MED12L: variants seen among roughly 807,000 people sequenced by gnomAD.
MED12L encodes mediator complex subunit 12L.
A neutral mutation model predicts 281.3 loss-of-function variants in MED12L; 60 were observed. The ratio of observed to expected loss-of-function variants is 0.21; its 90% CI spans 0.17 to 0.26. MED12L has a LOEUF of 0.26. Ranked by LOEUF, MED12L falls within the 10% of genes least tolerant of loss-of-function variation. The probability of loss-of-function intolerance (pLI) is 1.00; values close to 1 mark genes in which losing one functional copy is unlikely to be tolerated. For missense variants in MED12L, 2,146 were observed against 2,680.9 expected (o/e 0.80, Z 4.41); for synonymous variants, 974 against 987.2 (o/e 0.99, Z 0.25).
intron 16 of MED12L, among the ~76,000 whole-genome samples, chr3:151,335,152 T>C (rs1577357665): frequency 6.6e-6 from 1 of 152,190 alleles, no homozygotes; most frequent in Non-Finnish European, 1.5e-5. Context: ...CTCTTTGAGT[T>C]ACTTTGAAAT....
intron 12 of MED12L, 143 bp downstream of exon 12, chr3:151,185,604 A>C: frequency 2.5e-6 from 2 of 815,768 alleles, no homozygotes; most frequent in Non-Finnish European, 3.7e-6. Context: ...CATAAGGAAG[A>C]TTCTTATAGT....
At chr3:151,278,095 C>T (rs370815418) in intron 16 of MED12L, among the ~76,000 whole-genome samples, 1 of 152,146 alleles carries the variant, frequency 6.6e-6, no homozygotes, top group Non-Finnish European at 1.5e-5. Context: ...ATTGGATCCC[C>T]ATATTAGCAT....
chr3:151,235,110 A>T (rs548756010), intron 16 of MED12L, among the ~76,000 whole-genome samples: 5 of 152,366 alleles, frequency 3.3e-5, no homozygotes, highest in African/African-American at 9.6e-5. Context: ...GATGTAGATT[A>T]TTAAGCTACT....
intron 16 of MED12L, among the ~76,000 whole-genome samples, chr3:151,241,367 G>A (rs1000602410): frequency 6.6e-6 from 1 of 152,152 alleles, no homozygotes; most frequent in Non-Finnish European, 1.5e-5. Context: ...AGATTTTATT[G>A]TAGTTTTCAA....
rs62282979 is a variant in MED12L at position 151,240,914 on chromosome 3, T to A, written c.2250+47248T>A. Among the ~76,000 whole-genome samples the A allele has an allele frequency of 6.0e-3, 915 of 152,356 alleles. 29 individuals are homozygous for A. In the East Asian group the frequency reaches 0.09, roughly 15 times the overall value. ...CTTGGTCTTGATTAGCTGTGTCATC[T>A]TGCCTGAATCACTGAACCTCTCTAG... On this transcript the variant is annotated intron_variant, in intron 16 of 44. Coordinates refer to ENST00000687756, the MANE Select transcript of MED12L (RefSeq NM_001393769.1).
At chr3:151,237,110 C>T (rs541256048) in intron 16 of MED12L, among the ~76,000 whole-genome samples, 3 of 146,142 alleles carry the variant, frequency 2.1e-5, no homozygotes, top group South Asian at 2.2e-4. Flanking sequence ...GTACCAGTCT[C>T]GGCTAACTGC....
intron 16 of MED12L, among the ~76,000 whole-genome samples, chr3:151,323,464 A>G (rs796211262): frequency 2.0e-5 from 3 of 152,064 alleles, no homozygotes; most frequent in African/African-American, 4.8e-5. Context: ...TGTATTCCCT[A>G]TGTCATGTGC....
At chr3:151,151,200 G>A (rs889188802) in intron 5 of MED12L, among the ~76,000 whole-genome samples, 3 of 151,554 alleles carry the variant, frequency 2.0e-5, no homozygotes, top group Admixed American at 6.6e-5. Context: ...ACCACACCCA[G>A]CTAATTTTTT....
intron 2 of MED12L, among the ~76,000 whole-genome samples, chr3:151,090,467 A>AG (rs1364167352): frequency 6.6e-6 from 1 of 152,164 alleles, no homozygotes; most frequent in East Asian, 1.9e-4. Context: ...CAGTTTCATG[A>AG]GGGCATGGAT....
chr3:151,180,463 C>G (rs868215217), intron 11 of MED12L, among the ~76,000 whole-genome samples: 1 of 152,184 alleles, frequency 6.6e-6, no homozygotes, highest in African/African-American at 2.4e-5. Flanking sequence ...GGGACAAGAT[C>G]TTTAAAATTT....
At chr3:151,225,884 T>A (rs546811157) in intron 16 of MED12L, among the ~76,000 whole-genome samples, 25 of 152,358 alleles carry the variant, frequency 1.6e-4, no homozygotes, top group African/African-American at 6.0e-4. Context: ...TGCTTGCAGT[T>A]TTTGATATCA....
At chr3:151,181,588 T>C (rs1253583024) in intron 11 of MED12L, among the ~76,000 whole-genome samples, 3 of 145,070 alleles carry the variant, frequency 2.1e-5, no homozygotes, top group Admixed American at 1.4e-4. Context: ...TTTTTTTTTT[T>C]TTTTTTTTTT....
chr3:151,385,280 A>T, intron 36 of MED12L, 89 bp downstream of exon 36: 1 of 751,330 alleles, frequency 1.3e-6, no homozygotes, highest in Non-Finnish European at 2.1e-6. Context: ...TATAAAATAT[A>T]TTAATTTTGC....
At chr3:151,400,999 A>T (rs1471085965) in intron 39 of MED12L, among the ~76,000 whole-genome samples, 1 of 152,196 alleles carries the variant, frequency 6.6e-6, no homozygotes, top group Non-Finnish European at 1.5e-5. Context: ...ATCATGATTT[A>T]GCATTTTACT....
At chr3:151,123,088 G>A (rs1713999070) in intron 4 of MED12L, 114 bp downstream of exon 4, 1 of 898,514 alleles carries the variant, frequency 1.1e-6, no homozygotes, top group African/African-American at 1.7e-5. Context: ...AAGCCTATTG[G>A]CAGGTTTGTG....
At position 151,324,817 on chromosome 3, in the gene MED12L, A is replaced by G. The variant is rs961419498; in HGVS notation, c.2251-25242A>G. The stretch of plus-strand genomic sequence containing the variant: ...TTCATATTTCCTACATTTGGTTTCT[A>G]TGTAAAATTTCAAATGTTGAGATGT... On this transcript the variant is annotated intron_variant, in intron 16 of 44. Transcript: ENST00000687756. Among the ~76,000 whole-genome samples the G allele has an allele frequency of 1.8e-4, 27 of 152,194 alleles. 1 individual carries two copies. Among genetic ancestry groups the G allele is most frequent in the Admixed American group, 1.6e-3 (24 of 15,272 alleles).
intron 16 of MED12L, among the ~76,000 whole-genome samples, chr3:151,209,842 T>C (rs957564801): frequency 2.1e-4 from 32 of 152,206 alleles, no homozygotes; most frequent in Non-Finnish European, 2.1e-4. Context: ...CTGAACTCTT[T>C]AGATTACTCT....
rs1195813676 is a variant in MED12L, at chr3:151,166,492, TAG to T, written c.1494+518_1494+519del. Among the ~76,000 whole-genome samples, 4 of 151,746 alleles carry T rather than the reference TAG, an allele frequency of 2.6e-5. No homozygotes were observed. In the East Asian group the frequency reaches 7.7e-4, roughly 29 times the overall value. On this transcript the variant is annotated intron_variant, in intron 11 of 44. Coordinates refer to ENST00000687756, the MANE Select transcript of MED12L (RefSeq NM_001393769.1). ...GCGTACATATATGTTTATATCTACC[TAG>T]AGAGAGAAAGGGGGGGAGAAAAGAG...
intron 16 of MED12L, among the ~76,000 whole-genome samples, chr3:151,332,527 A>T (rs542603478): frequency 6.6e-6 from 1 of 152,338 alleles, no homozygotes; most frequent in East Asian, 1.9e-4. Flanking sequence ...AGTAGAAAAT[A>T]TCTACATGTA....
Sources: gnomAD v4.1 joint callset for allele counts (sites outside exome capture counted in the v4.1 genomes callset) on GRCh38, gnomAD v4.1.1 for gene constraint, MANE v1.5 for transcripts, NCBI Gene and HGNC (gene_info 2026-07-23, HGNC 2026-07-21) for gene names.